The following GRIA2 variants were observed in gnomAD, a reference collection of about 807,000 sequenced individuals.
GRIA2 encodes the protein glutamate ionotropic receptor AMPA type subunit 2, also known as glutamate receptor 2.
In GRIA2, 14 loss-of-function variants were observed where a neutral mutation model predicts 97.3. That is an observed-to-expected ratio of 0.14 (90% CI 0.10 to 0.23). GRIA2 has a LOEUF of 0.23. Ranked by LOEUF, GRIA2 falls within the 10% of genes least tolerant of loss-of-function variation. The pLI, the probability that GRIA2 is intolerant of heterozygous loss-of-function variation, is 1.00. For missense variants in GRIA2, 558 were observed against 1,069.8 expected (o/e 0.52, Z 6.67); for synonymous variants, 412 against 387.8 (o/e 1.06, Z -0.73).
At chr4:157,296,858 A>G (rs1197443976) in intron 2 of GRIA2, among the ~76,000 whole-genome samples, 1 of 152,162 alleles carries the variant, frequency 6.6e-6, no homozygotes, top group Non-Finnish European at 1.5e-5. Flanking sequence ...GGTAAATGGC[A>G]CTTCATTCTC....
In GRIA2 at chr4:157,312,793, T is replaced by G. The variant is rs1195047996; in HGVS notation, c.584T>G (p.Leu195Arg). 1.2e-6 allele frequency: 2 copies of G among 1,609,560 alleles called. No individual in the cohort carries two copies. The highest frequency in any genetic ancestry group is 2.2e-5 in the South Asian group (2 of 90,774). The change falls in exon 4 of 16, where the codon CTT becomes CGT. Residue 195 changes from leucine to arginine, a missense_variant. Leu to Arg is a moderately radical substitution (Grantham distance 102, BLOSUM62 -2). This residue lies in a region of GRIA2 where 173 missense variants were observed against 209.1 expected (regional missense o/e 0.83). Coordinates refer to ENST00000264426, the MANE Select transcript of GRIA2 (RefSeq NM_001083619.3). ...NDKKDEMYRS[L>R]FQDLELKKER... ...AAGAAAGATGAGATGTACCGATCAC[T>G]TTTTCAAGATCTGGAGTTAAAAAAG...
At chr4:157,355,951 T>TTATATATTAA (rs1736307284) in intron 12 of GRIA2, among the ~76,000 whole-genome samples, 4 of 68,092 alleles carry the variant, frequency 5.9e-5, no homozygotes, top group East Asian at 3.6e-4. Context: ...TAATATATAT[T>TTATATATTAA]TATATATTTA....
At chr4:157,288,972 A>C (rs935506764) in intron 2 of GRIA2, among the ~76,000 whole-genome samples, 7 of 151,876 alleles carry the variant, frequency 4.6e-5, no homozygotes, top group African/African-American at 1.7e-4. Flanking sequence ...ATATTTAAAA[A>C]ATCATTTGTT....
Position 157,220,845 on chromosome 4 carries a change from C to T in GRIA2, c.-198C>T, listed in dbSNP as rs1315650791. ...CCGGACTTCTGGAGCGGGGACAGGG[C>T]GCAGGGCATCAGCAGCCACCAGCAG... is the stretch of plus-strand genomic sequence containing the variant. On this transcript the variant is annotated 5_prime_UTR_variant, in exon 1 of 16. Transcript: ENST00000264426. 3.9e-5 allele frequency: 23 copies of T among 587,428 alleles called. No individual in the cohort carries two copies. The highest frequency in any genetic ancestry group is 6.1e-5 in the Non-Finnish European group (20 of 329,840). 36.4% of individuals were successfully genotyped at this position (587,428 alleles called of 1,614,324 possible).
At chr4:157,360,492 C>A (rs1254098257) in intron 13 of GRIA2, among the ~76,000 whole-genome samples, 1 of 152,044 alleles carries the variant, frequency 6.6e-6, no homozygotes, top group Non-Finnish European at 1.5e-5. Flanking sequence ...AGCCTGCTTA[C>A]AAACACTCTG....
intron 4 of GRIA2, 128 bp downstream of exon 4, chr4:157,313,003 C>A: frequency 4.1e-6 from 2 of 491,864 alleles, no homozygotes; most frequent in Non-Finnish European, 7.2e-6. Context: ...TCGGATGCAG[C>A]AAAGATCATC....
intron 2 of GRIA2, among the ~76,000 whole-genome samples, chr4:157,271,471 T>C (rs575340585): frequency 6.6e-6 from 1 of 152,184 alleles, no homozygotes; most frequent in Non-Finnish European, 1.5e-5. Flanking sequence ...AGGGAAACAC[T>C]TACATTTACA....
At chr4:157,326,760 T>TA (rs1463039740) in intron 6 of GRIA2, among the ~76,000 whole-genome samples, 1 of 152,208 alleles carries the variant, frequency 6.6e-6, no homozygotes, top group Non-Finnish European at 1.5e-5. Context: ...TGAGAAATCA[T>TA]ACTTTAGAAC....
At chr4:157,239,695 A>G (rs1730416176) in intron 2 of GRIA2, among the ~76,000 whole-genome samples, 1 of 151,976 alleles carries the variant, frequency 6.6e-6, no homozygotes, top group Non-Finnish European at 1.5e-5. Flanking sequence ...ATGTATATAT[A>G]CATGTATTTT....
rs76937989 is a variant in GRIA2 at position 157,303,019 on chromosome 4, G to A, written c.230-533G>A. On this transcript the variant is annotated intron_variant, in intron 2 of 15. Coordinates refer to ENST00000264426, the MANE Select transcript of GRIA2 (RefSeq NM_001083619.3). ...GACTGAGTGACACAATATGACAGAAGTAGCTTTGTGGGGACATGCGTCTGT... is the reference window on the plus strand; with the variant it reads ...GACTGAGTGACACAATATGACAGAAATAGCTTTGTGGGGACATGCGTCTGT... Among the ~76,000 whole-genome samples, 1,422 of 152,274 alleles carry A rather than the reference G, an allele frequency of 9.3e-3. 17 individuals are homozygous for A. The highest frequency in any genetic ancestry group is 0.031 in the African/African-American group (1,290 of 41,560).
chr4:157,358,648 T>C (rs1364357010), intron 12 of GRIA2, among the ~76,000 whole-genome samples: 1 of 152,150 alleles, frequency 6.6e-6, no homozygotes, highest in East Asian at 1.9e-4. Context: ...CAACAGCCCC[T>C]ACTCCAATGG....
At chr4:157,294,974 C>G (rs113533119) in intron 2 of GRIA2, among the ~76,000 whole-genome samples, 2 of 152,156 alleles carry the variant, frequency 1.3e-5, no homozygotes, top group African/African-American at 4.8e-5. Context: ...GAGACTATCA[C>G]TTGTGAAATA....
In GRIA2 at chr4:157,321,415, A is replaced by G. The variant is rs757072811; in HGVS notation, c.721-23A>G. The G allele has an allele frequency of 1.0e-5, 16 of 1,564,294 alleles. No individual in the cohort carries two copies. The Admixed American group carries it at 1.1e-4, about 11-fold the overall frequency. On this transcript the variant is annotated intron_variant, in intron 5 of 15. Transcript: ENST00000264426. ...ATTTTGTTCTCAAACAAAAAGCGTG[A>G]TATCAATGTGTTCTATGTTTAGGGA...
chr4:157,261,185 G>A (rs1002181233), intron 2 of GRIA2, among the ~76,000 whole-genome samples: 1 of 152,028 alleles, frequency 6.6e-6, no homozygotes, highest in Non-Finnish European at 1.5e-5. Context: ...CATCTTACAT[G>A]GCGGCAGGCA....
intron 12 of GRIA2, among the ~76,000 whole-genome samples, chr4:157,358,422 G>T (rs1338522586): frequency 6.6e-6 from 1 of 152,158 alleles, no homozygotes; most frequent in Non-Finnish European, 1.5e-5. Flanking sequence ...AAGAAAGCTT[G>T]ATTCACTAGG....
intron 2 of GRIA2, among the ~76,000 whole-genome samples, chr4:157,253,516 T>C (rs535946499): frequency 5.2e-4 from 79 of 152,244 alleles, no homozygotes; most frequent in African/African-American, 1.8e-3. Flanking sequence ...ATTGTATAAG[T>C]ATATTCTTCT....
chr4:157,286,048 A>G (rs1732830857), intron 2 of GRIA2, among the ~76,000 whole-genome samples: 2 of 151,560 alleles, frequency 1.3e-5, no homozygotes, highest in African/African-American at 4.8e-5. Context: ...AAGAATAGCT[A>G]AGCTATATTA....
intron 12 of GRIA2, among the ~76,000 whole-genome samples, chr4:157,355,891 A>G (rs1420807923): frequency 1.4e-4 from 3 of 20,704 alleles, no homozygotes; most frequent in South Asian, 2.1e-3. Context: ...ATATTAATAT[A>G]TTTATATATA....
chr4:157,291,107 C>T (rs1733078640), intron 2 of GRIA2, among the ~76,000 whole-genome samples: 1 of 151,948 alleles, frequency 6.6e-6, no homozygotes, highest in South Asian at 2.1e-4. Context: ...AATATTTTCC[C>T]TTGAAATTAG....
Sources: gnomAD v4.1 joint callset for allele counts (sites outside exome capture counted in the v4.1 genomes callset) on GRCh38, gnomAD v4.1.1 for gene constraint, gnomAD v4.1.1 regional missense constraint, MANE v1.5 for transcripts, NCBI Gene and HGNC (gene_info 2026-07-23, HGNC 2026-07-21) for gene names.